The following LTF variants were observed in gnomAD, a reference collection of about 807,000 sequenced individuals.
The protein encoded by LTF is epididymis luminal protein 110.
A neutral mutation model predicts 87.2 loss-of-function variants in LTF; 91 were observed. The observed-to-expected ratio is 1.04, with a 90% CI of 0.88 to 1.24. The LOEUF is 1.24. Among genes scored for constraint, LTF ranks in the 50% most tolerant of loss-of-function variants. The probability of loss-of-function intolerance (pLI) is 0.00; values close to 1 mark genes in which losing one functional copy is unlikely to be tolerated. For synonymous variants in LTF, 378 were observed against 356.1 expected (o/e 1.06, Z -0.69); for missense variants, 901 against 904.3 (o/e 1.00, Z 0.05).
chr3:46,464,902 C>T lies in LTF; in HGVS notation c.-35G>A, dbSNP rs1274362353. 2 of 1,611,428 alleles carry T rather than the reference C, an allele frequency of 1.2e-6. No homozygotes were observed. Among genetic ancestry groups the T allele is most frequent in the Non-Finnish European group, 1.7e-6 (2 of 1,177,866 alleles). On this transcript the variant is annotated 5_prime_UTR_variant, in exon 1 of 17. Transcript: ENST00000231751. ...CTGGAGGCGACTTGGCAAACGAAGG[C>T]TCTGCCACTTGCGCCTGCCCTGCGC...
upstream of LTF, chr3:46,465,202 C>T: frequency 2.5e-6 from 1 of 406,474 alleles, no homozygotes; most frequent in East Asian, 5.8e-5. Flanking sequence ...GGTCTCAGTG[C>T]CTTCTAGAGG....
chr3:46,457,693 T>A (rs894689693), intron 2 of LTF, among the ~76,000 whole-genome samples: 2 of 152,246 alleles, frequency 1.3e-5, no homozygotes, highest in Non-Finnish European at 2.9e-5. Context: ...ATCTCACAAG[T>A]ATTTTTTATT....
intron 1 of LTF, among the ~76,000 whole-genome samples, chr3:46,482,720 AAGAAAGG>A (rs1703463957): frequency 1.0e-5 from 1 of 96,580 alleles, no homozygotes; most frequent in Non-Finnish European, 2.0e-5. Context: ...AAGAAAGAGA[AAGAAAGG>A]AAGGAAGGAA....
chr3:46,468,709 G>A (rs1235683178), upstream of LTF, among the ~76,000 whole-genome samples: 1 of 152,240 alleles, frequency 6.6e-6, no homozygotes, highest in African/African-American at 2.4e-5. Context: ...AGGCCTTCCT[G>A]AGACATCAAC....
intron 6 of LTF, chr3:46,454,083 G>C (rs1420157464): frequency 1.1e-5 from 6 of 564,066 alleles, no homozygotes; most frequent in Non-Finnish European, 1.9e-5. Context: ...CAAGCACCTA[G>C]GCATGGGTGT....
chr3:46,469,034 C>A (rs1377866549), upstream of LTF, among the ~76,000 whole-genome samples: 3 of 152,148 alleles, frequency 2.0e-5, no homozygotes, highest in Admixed American at 2.0e-4. Context: ...GTGGCTGTGC[C>A]ATCCCTAGCA....
upstream of LTF, among the ~76,000 whole-genome samples, chr3:46,465,993 CT>C (rs578127756): frequency 3.4e-4 from 51 of 152,186 alleles, no homozygotes; most frequent in Non-Finnish European, 6.8e-4. Flanking sequence ...AATCCCAGCA[CT>C]TTGGGAGGCC....
rs778218932 is a variant in LTF at position 46,455,880 on chromosome 3, G to A, written c.415C>T (p.Arg139Cys). ...GGGACATTCCATCCAGCGGTCCTGC[G>A]AAGGCCTGTGTGGCAGGACTTCAGA... is the stretch of plus-strand genomic sequence containing the variant. Reference protein sequence around the residue: ...QGLKSCHTGLRRTAGWNVPIG... With the variant: ...QGLKSCHTGLCRTAGWNVPIG... Residue 139 changes from arginine (R) to cysteine (C), a missense_variant, in exon 4 of 17, where the codon CGC becomes TGC. By Grantham distance (180) the Arg-to-Cys change is radical. Coordinates refer to ENST00000231751, the MANE Select transcript of LTF (RefSeq NM_002343.6). The A allele has an allele frequency of 1.4e-4, 232 of 1,613,730 alleles. No individual in the cohort carries two copies. The highest frequency in any genetic ancestry group is 3.6e-4 in the South Asian group (33 of 90,968).
rs35012752 is a variant in LTF, at chr3:46,441,176, AGTGT to A, written c.1723+236_1723+239del. Among the ~76,000 whole-genome samples, 81 of 145,076 alleles carry A rather than the reference AGTGT, an allele frequency of 5.6e-4. 2 individuals are homozygous for A. Among genetic ancestry groups the A allele is most frequent in the Admixed American group, 1.1e-3 (16 of 14,746 alleles). On this transcript the variant is annotated intron_variant, in intron 14 of 16. Coordinates refer to ENST00000231751, the MANE Select transcript of LTF (RefSeq NM_002343.6). Reference sequence around the variant, plus strand: ...GCTAGTATCTGTGTGTGTGAGAGTGAGTGTGTGTGTGTGTGTGAGAGAAAGAGAG... The same window carrying A: ...GCTAGTATCTGTGTGTGTGAGAGTGAGTGTGTGTGTGTGAGAGAAAGAGAG...
At chr3:46,465,500 C>A (rs1703191031), upstream of LTF, among the ~76,000 whole-genome samples, 1 of 152,210 alleles carries the variant, frequency 6.6e-6, no homozygotes. Flanking sequence ...TCCCAGAAAA[C>A]AGACAGGGAC....
Position 46,450,563 on chromosome 3 carries a change from G to A in LTF, c.814C>T (p.His272Tyr), listed in dbSNP as rs1394625677. 14 of 1,614,054 alleles carry A rather than the reference G, an allele frequency of 8.7e-6. No individual in the cohort carries two copies. The highest frequency in any genetic ancestry group is 1.1e-5 in the Non-Finnish European group (13 of 1,180,038). ...TTCACACTTCGTGCCACAACGGCAT[G>A]AGAAGGGACCCGGGCCAGATGGCAG... ...KDCHLARVPS[H>Y]AVVARSVNGK... Residue 272 changes from histidine (H) to tyrosine (Y), a missense_variant, in exon 7 of 17, where the codon CAT becomes TAT. Physicochemically the swap from His to Tyr is moderately conservative, Grantham distance 83. Coordinates refer to ENST00000231751, the MANE Select transcript of LTF (RefSeq NM_002343.6).
chr3:46,449,126 G>A, intron 8 of LTF, 109 bp from the exon 9 acceptor site: 2 of 1,030,316 alleles, frequency 1.9e-6, no homozygotes, highest in Non-Finnish European at 2.8e-6. Context: ...AGGAGCTACA[G>A]TACATGTGTG....
intron 1 of LTF, among the ~76,000 whole-genome samples, chr3:46,479,939 G>C (rs1360808845): frequency 6.6e-6 from 1 of 152,218 alleles, no homozygotes; most frequent in Non-Finnish European, 1.5e-5. Flanking sequence ...AGGGGATGTG[G>C]GGTGTGAAGG....
At chr3:46,462,902 G>A (rs1268602883) in intron 1 of LTF, among the ~76,000 whole-genome samples, 1 of 152,082 alleles carries the variant, frequency 6.6e-6, no homozygotes, top group Non-Finnish European at 1.5e-5. Context: ...GGAGGTGGGG[G>A]CTGAGCAATG....
At position 46,454,588 on chromosome 3, in the gene LTF, G is replaced by A. The variant is rs144304008; in HGVS notation, c.648-228C>T. 7.8e-4 allele frequency among the ~76,000 whole-genome samples: 119 copies of A among 152,366 alleles called. 1 individual carries two copies. In the East Asian group the frequency reaches 0.014, roughly 18 times the overall value. Reference sequence around the variant, plus strand: ...CCCCATCTTCTGCTTTGAGGGCTAAGAGGACAAAACTTTTTTCTATATAAA... The same window carrying A: ...CCCCATCTTCTGCTTTGAGGGCTAAAAGGACAAAACTTTTTTCTATATAAA... On this transcript the variant is annotated intron_variant, in intron 5 of 16. Transcript: ENST00000231751.
At chr3:46,467,152 G>A (rs1206941800), upstream of LTF, among the ~76,000 whole-genome samples, 1 of 152,224 alleles carries the variant, frequency 6.6e-6, no homozygotes, top group African/African-American at 2.4e-5. Context: ...TTGCAGAGGA[G>A]GCTGATGTAG....
intron 4 of LTF, 145 bp downstream of exon 4, chr3:46,455,651 T>G (rs1310572291): frequency 7.2e-6 from 8 of 1,114,450 alleles, no homozygotes; most frequent in Non-Finnish European, 1.0e-5. Flanking sequence ...TAACGGATCC[T>G]GCCAGCAGGA....
In LTF at chr3:46,455,858, A is replaced by G. The variant is rs777199994; in HGVS notation, c.437T>C (p.Val146Ala). The change falls in exon 4 of 17, where the codon GTC becomes GCC. Residue 146 changes from valine to alanine, a missense_variant. Val to Ala is a moderately conservative substitution (Grantham distance 64, BLOSUM62 0). Transcript: ENST00000231751. ...GAATGGACGAAGTGTCCCTATAGGG[A>G]CATTCCATCCAGCGGTCCTGCGAAG... The part of the protein sequence containing the change: ...TGLRRTAGWN[V>A]PIGTLRPFLN... The G allele has an allele frequency of 6.2e-7, 1 of 1,612,962 alleles. No individual in the cohort carries two copies. The highest frequency in any genetic ancestry group is 1.7e-5 in the Admixed American group (1 of 59,780).
chr3:46,443,191 T>C (rs1189839069), intron 13 of LTF, among the ~76,000 whole-genome samples: 1 of 152,238 alleles, frequency 6.6e-6, no homozygotes, highest in Non-Finnish European at 1.5e-5. Context: ...CCTACTGCTG[T>C]TGATCTTGGC....
Sources: allele counts gnomAD v4.1 joint callset (sites outside exome capture counted in the v4.1 genomes callset), GRCh38; gene constraint gnomAD v4.1.1; transcripts MANE v1.5; gene names NCBI Gene and HGNC (gene_info 2026-07-23, HGNC 2026-07-21).